Variants in PRKN observed in about 807,000 individuals in gnomAD.
PRKN encodes the protein parkin RBR E3 ubiquitin protein ligase, also known as E3 ubiquitin-protein ligase parkin.
A neutral mutation model predicts 59.5 loss-of-function variants in PRKN; 56 were observed. That is an observed-to-expected ratio of 0.94 (90% confidence interval 0.76 to 1.18). PRKN has a LOEUF of 1.18. Among genes scored for constraint, PRKN ranks in the 50% most tolerant of loss-of-function variants. The pLI is 0.00. For synonymous variants in PRKN, 250 were observed against 222.1 expected, an observed-to-expected ratio of 1.13 and a Z score of -1.12; for missense variants, 657 against 596.4, an observed-to-expected ratio of 1.10 and a Z score of -1.06.
chr6:161,866,435 C>T (rs1358233368), intron 6 of PRKN, among the ~76,000 whole-genome samples: 5 of 151,884 alleles, frequency 3.3e-5, no homozygotes, highest in South Asian at 2.1e-4. Flanking sequence ...ATTAGCCGGG[C>T]GTGGTGGCGC....
chr6:162,173,862 C>A (rs1033615897), intron 4 of PRKN, among the ~76,000 whole-genome samples: 1 of 152,162 alleles, frequency 6.6e-6, no homozygotes, highest in Non-Finnish European at 1.5e-5. Flanking sequence ...GTATAAAGTG[C>A]TTGGCTGGAG....
chr6:162,158,572 C>T (rs1379553012), intron 4 of PRKN, among the ~76,000 whole-genome samples: 3 of 151,994 alleles, frequency 2.0e-5, no homozygotes, highest in African/African-American at 4.8e-5. Flanking sequence ...GCTGGGACTA[C>T]ACTTGTGCAC....
intron 7 of PRKN, among the ~76,000 whole-genome samples, chr6:161,750,533 C>T (rs1027239262): frequency 4.6e-5 from 7 of 151,850 alleles, no homozygotes; most frequent in African/African-American, 9.7e-5. Flanking sequence ...TTGGGGAGGC[C>T]GAGGCGGGTG....
intron 7 of PRKN, among the ~76,000 whole-genome samples, chr6:161,667,441 C>T (rs996452106): frequency 1.3e-5 from 2 of 152,226 alleles, no homozygotes; most frequent in South Asian, 2.1e-4. Flanking sequence ...TTTCCTTCTC[C>T]AGCCCACAGG....
intron 4 of PRKN, among the ~76,000 whole-genome samples, chr6:162,108,471 A>C (rs1197627874): frequency 6.6e-6 from 1 of 152,242 alleles, no homozygotes; most frequent in East Asian, 1.9e-4. Flanking sequence ...CATTTTACGA[A>C]ATGTCAGTGT....
chr6:161,936,732 T>C (rs138000448), intron 6 of PRKN, among the ~76,000 whole-genome samples: 3 of 152,216 alleles, frequency 2.0e-5, no homozygotes, highest in East Asian at 3.9e-4. Context: ...TGAGAAATTA[T>C]TAGGCATCCA....
At chr6:162,553,764 T>C (rs1026574771) in intron 1 of PRKN, among the ~76,000 whole-genome samples, 17 of 125,190 alleles carry the variant, frequency 1.4e-4, no homozygotes, top group African/African-American at 5.2e-4. Context: ...ATTGCATCAC[T>C]GTACTCCAGT....
At chr6:161,603,120 C>T (rs1281256977) in intron 7 of PRKN, among the ~76,000 whole-genome samples, 6 of 152,098 alleles carry the variant, frequency 3.9e-5, no homozygotes, top group Non-Finnish European at 7.4e-5. Flanking sequence ...CATTCATAAG[C>T]GTAGCAGCAA....
At chr6:162,087,905 CA>C (rs1424118367) in intron 4 of PRKN, among the ~76,000 whole-genome samples, 1 of 152,054 alleles carries the variant, frequency 6.6e-6, no homozygotes, top group African/African-American at 2.4e-5. Context: ...AATTTCTAAA[CA>C]ATAGTAATGC....
At chr6:162,241,221 G>A (rs552160796) in intron 3 of PRKN, among the ~76,000 whole-genome samples, 16 of 152,082 alleles carry the variant, frequency 1.1e-4, no homozygotes, top group Non-Finnish European at 2.1e-4. Context: ...AATATAACTG[G>A]ATTTTGATTT....
intron 1 of PRKN, among the ~76,000 whole-genome samples, chr6:162,549,888 C>T (rs924586274): frequency 6.6e-6 from 1 of 152,120 alleles, no homozygotes; most frequent in Non-Finnish European, 1.5e-5. Context: ...TCATCTGCCT[C>T]GGCCTCCCAA....
intron 8 of PRKN, among the ~76,000 whole-genome samples, chr6:161,565,438 G>A (rs1026736807): frequency 1.1e-4 from 17 of 152,012 alleles, no homozygotes; most frequent in Non-Finnish European, 2.2e-4. Context: ...ATGCCCACAC[G>A]TCAAGGGCGG....
intron 4 of PRKN, among the ~76,000 whole-genome samples, chr6:162,150,064 A>G (rs1328668906): frequency 2.6e-5 from 4 of 152,210 alleles, no homozygotes; most frequent in Non-Finnish European, 5.9e-5. Context: ...TGAATTCAGT[A>G]AAAAAGCCAA....
At chr6:161,972,113 A>G (rs570407023) in intron 6 of PRKN, among the ~76,000 whole-genome samples, 1 of 152,186 alleles carries the variant, frequency 6.6e-6, no homozygotes, top group Admixed American at 6.5e-5. Flanking sequence ...CGTCTCTACT[A>G]AAAATACAAA....
At chr6:162,063,086 GA>G (rs1778169531) in intron 4 of PRKN, among the ~76,000 whole-genome samples, 2 of 152,118 alleles carry the variant, frequency 1.3e-5, no homozygotes, top group African/African-American at 4.8e-5. Flanking sequence ...TAAGGACACA[GA>G]AGGCTCTAAT....
At chr6:162,469,357 GGTGGGT>G (rs1791600776) in intron 1 of PRKN, among the ~76,000 whole-genome samples, 3 of 137,652 alleles carry the variant, frequency 2.2e-5, no homozygotes, top group South Asian at 5.1e-4. Context: ...TGCAGGGGGG[GGTGGGT>G]GACAGAGGAA....
At chr6:162,506,408 C>T (rs947743912) in intron 1 of PRKN, among the ~76,000 whole-genome samples, 4 of 152,060 alleles carry the variant, frequency 2.6e-5, no homozygotes, top group African/African-American at 9.7e-5. Context: ...ACATGTGATA[C>T]TAGGAAGAGA....
chr6:161,816,928 G>A (rs962742185), intron 6 of PRKN, among the ~76,000 whole-genome samples: 1 of 152,064 alleles, frequency 6.6e-6, no homozygotes, highest in Non-Finnish European at 1.5e-5. Context: ...GGTACCCATA[G>A]GTAAGTTCTC....
At chr6:162,469,364 G>A (rs1791604087) in intron 1 of PRKN, among the ~76,000 whole-genome samples, 2 of 129,786 alleles carry the variant, frequency 1.5e-5, no homozygotes, top group South Asian at 2.7e-4. Flanking sequence ...GGGGGTGGGT[G>A]ACAGAGGAAG....
Sources: gnomAD v4.1 joint callset for allele counts (sites outside exome capture counted in the v4.1 genomes callset) on GRCh38, gnomAD v4.1.1 for gene constraint, MANE v1.5 for transcripts, NCBI Gene and HGNC (gene_info 2026-07-23, HGNC 2026-07-21) for gene names.